The following TMEM87B variants were observed in gnomAD, a reference collection of about 807,000 sequenced individuals.
The protein encoded by TMEM87B is transmembrane protein 87B.
TMEM87B carries 83 observed loss-of-function variants against 80.3 expected under a neutral mutation model. That is an observed-to-expected ratio of 1.03 (90% confidence interval 0.87 to 1.24). The LOEUF (loss-of-function observed/expected upper bound fraction) is 1.24, where lower values mean the gene tolerates loss of function less well. TMEM87B is among the 50% of genes most tolerant of loss of function. TMEM87B has a pLI of 0.00. For missense variants in TMEM87B, 625 were observed against 674.4 expected, an observed-to-expected ratio of 0.93 and a Z score of 0.81; for synonymous variants, 219 against 230.5, an observed-to-expected ratio of 0.95 and a Z score of 0.45.
intron 15 of TMEM87B, chr2:112,105,743 T>C: frequency 2.9e-6 from 1 of 339,218 alleles, no homozygotes; most frequent in South Asian, 5.9e-5. Context: ...TGTATACTTG[T>C]TTAAACTCTA....
intron 4 of TMEM87B, among the ~76,000 whole-genome samples, chr2:112,069,198 CAAAAAA>C (rs1280554360): frequency 1.6e-5 from 1 of 62,370 alleles, no homozygotes; most frequent in African/African-American, 5.8e-5. Context: ...GACTCCGTCT[CAAAAAA>C]AAAAAAAAAA....
intron 17 of TMEM87B, among the ~76,000 whole-genome samples, chr2:112,111,913 C>G (rs1400397421): frequency 6.6e-6 from 1 of 152,292 alleles, no homozygotes; most frequent in African/African-American, 2.4e-5. Flanking sequence ...TAGCAGGGAC[C>G]GTTGTTGATA....
chr2:112,099,112 A>G (rs1454237457), intron 14 of TMEM87B, among the ~76,000 whole-genome samples: 1 of 152,194 alleles, frequency 6.6e-6, no homozygotes, highest in Non-Finnish European at 1.5e-5. Flanking sequence ...CAAAATGACA[A>G]AAGACTTGAG....
intron 9 of TMEM87B, among the ~76,000 whole-genome samples, chr2:112,086,672 A>C (rs959533408): frequency 2.0e-5 from 3 of 152,290 alleles, no homozygotes; most frequent in South Asian, 2.1e-4. Context: ...CTCACTCTTC[A>C]GGCTGGGTCA....
chr2:112,111,996 G>A (rs1029297735), intron 17 of TMEM87B, among the ~76,000 whole-genome samples: 8 of 152,066 alleles, frequency 5.3e-5, no homozygotes, highest in Admixed American at 2.0e-4. Flanking sequence ...TTCCTCTAAC[G>A]CCGTCTTCTC....
At chr2:112,111,508 G>C (rs1392606351) in intron 17 of TMEM87B, among the ~76,000 whole-genome samples, 2 of 152,186 alleles carry the variant, frequency 1.3e-5, no homozygotes, top group Non-Finnish European at 2.9e-5. Context: ...TATGTGAAAT[G>C]AGTAGAGCTC....
intron 9 of TMEM87B, among the ~76,000 whole-genome samples, 189 bp downstream of exon 9, chr2:112,086,293 C>G (rs1679143998): frequency 6.6e-6 from 1 of 152,170 alleles, no homozygotes; most frequent in Non-Finnish European, 1.5e-5. Context: ...AATAAAGACC[C>G]TGAATTTTTA....
Position 112,089,630 on chromosome 2 carries a change from G to A in TMEM87B, c.944G>A (p.Arg315His), listed in dbSNP as rs774444715. 2.0e-5 allele frequency: 33 copies of A among 1,613,980 alleles called. No individual in the cohort carries two copies. The highest frequency in any genetic ancestry group is 1.1e-4 in the East Asian group (5 of 44,878). ...TTTCCTCTTCCTGATTCCAGGCCTC[G>A]TTTAGGAACAGTCATGCACCGGGTG... ...VSLGYGIVKP[R>H]LGTVMHRVIG... The change falls in exon 10 of 19, where the codon CGT becomes CAT. Residue 315 changes from arginine (R) to histidine (H), a missense_variant. Physicochemically the swap from Arg to His is conservative, Grantham distance 29. Coordinates refer to ENST00000283206, the MANE Select transcript of TMEM87B (RefSeq NM_032824.3).
intron 14 of TMEM87B, among the ~76,000 whole-genome samples, chr2:112,099,912 AC>A (rs1679585046): frequency 1.3e-5 from 2 of 151,732 alleles, no homozygotes; most frequent in South Asian, 2.1e-4. Context: ...CACAAAAAAA[AC>A]AACTATCTTT....
At chr2:112,070,519 G>A (rs1678591609) in intron 4 of TMEM87B, among the ~76,000 whole-genome samples, 1 of 152,052 alleles carries the variant, frequency 6.6e-6, no homozygotes, top group Non-Finnish European at 1.5e-5. Context: ...TCTCTATTCT[G>A]TTCCACTGGT....
At chr2:112,079,161 A>G (rs1209130314) in intron 6 of TMEM87B, among the ~76,000 whole-genome samples, 1 of 152,178 alleles carries the variant, frequency 6.6e-6, no homozygotes, top group East Asian at 1.9e-4. Context: ...TTTGAAACAT[A>G]CAGTACTCTG....
rs981369410 is a variant in TMEM87B, at chr2:112,055,539, A to T, written c.-53A>T. On this transcript the variant is annotated 5_prime_UTR_variant, in exon 1 of 19. Transcript: ENST00000283206. Reference sequence around the variant, plus strand: ...CGCCTGCCTGGGGCGGTGCTGCACCAGGTGCGGGTGTGGCAGGCGTCTCGG... The same window carrying T: ...CGCCTGCCTGGGGCGGTGCTGCACCTGGTGCGGGTGTGGCAGGCGTCTCGG... 42 of 1,450,808 alleles carry T rather than the reference A, an allele frequency of 2.9e-5. No individual in the cohort carries two copies. Among genetic ancestry groups the T allele is most frequent in the Non-Finnish European group, 3.8e-5 (42 of 1,105,300 alleles). The allele number at this position is 1,450,808 out of a possible 1,614,324, so 89.9% of individuals were successfully genotyped here. A position where few individuals can be genotyped will look rare whatever the true frequency, so the allele number is the denominator to read the frequency against.
At chr2:112,111,457 T>C (rs1233746932) in intron 17 of TMEM87B, among the ~76,000 whole-genome samples, 2 of 152,238 alleles carry the variant, frequency 1.3e-5, no homozygotes, top group Admixed American at 1.3e-4. Flanking sequence ...CTTTGAAATA[T>C]AGAAGACTGA....
At chr2:112,068,168 C>G (rs1421662381) in intron 4 of TMEM87B, among the ~76,000 whole-genome samples, 2 of 152,112 alleles carry the variant, frequency 1.3e-5, no homozygotes, top group Admixed American at 1.3e-4. Flanking sequence ...GAGCCGAGAT[C>G]ACGCCATTGC....
chr2:112,091,063 C>G (rs1286486013), intron 10 of TMEM87B, among the ~76,000 whole-genome samples: 1 of 152,016 alleles, frequency 6.6e-6, no homozygotes, highest in African/African-American at 2.4e-5. Flanking sequence ...CATGTAAATA[C>G]ACCATATATA....
chr2:112,055,630 A>G lies in TMEM87B; in HGVS notation c.39A>G (p.Pro13=). Residue 13 remains proline, a synonymous_variant, in exon 1 of 19, where the codon CCA becomes CCG. Coordinates refer to ENST00000283206, the MANE Select transcript of TMEM87B (RefSeq NM_032824.3). ...AACRSVAGLL[P]RRRRCFPARA... is the part of the protein sequence containing the mutation. ...GCCGCTCGGTAGCCGGGCTCCTGCC[A>G]CGCCGCCGCCGCTGCTTTCCCGCCC... is the stretch of plus-strand genomic sequence containing the variant. The G allele has an allele frequency of 6.5e-7, 1 of 1,547,552 alleles. No homozygotes were observed. Among genetic ancestry groups the G allele is most frequent in the Non-Finnish European group, 8.7e-7 (1 of 1,149,050 alleles).
rs554025947 is a variant in TMEM87B at position 112,099,613 on chromosome 2, C to T, written c.1376+915C>T. On this transcript the variant is annotated intron_variant, in intron 14 of 18. Coordinates refer to ENST00000283206, the MANE Select transcript of TMEM87B (RefSeq NM_032824.3). ...TTCTGTACCTTCCTGTTTAAGGTCA[C>T]GCCTATAATCCTAGCACTTTGGGAG... 1.1e-4 allele frequency among the ~76,000 whole-genome samples: 17 copies of T among 148,950 alleles called. No individual in the cohort carries two copies. The South Asian group carries it at 1.7e-3, about 15-fold the overall frequency.
In TMEM87B at chr2:112,055,307, C is replaced by G. The variant is rs192143491; in HGVS notation, c.-285C>G. On this transcript the variant is annotated 5_prime_UTR_variant, in exon 1 of 19. Coordinates refer to ENST00000283206, the MANE Select transcript of TMEM87B (RefSeq NM_032824.3). Reference sequence around the variant, plus strand: ...CGCTAGGCCCTGAGCCCAGCCTCCACGTCTCGCCGCCAACTCCACATCCTG... The same window carrying G: ...CGCTAGGCCCTGAGCCCAGCCTCCAGGTCTCGCCGCCAACTCCACATCCTG... The G allele has an allele frequency of 6.4e-6, 3 of 468,006 alleles. No individual in the cohort carries two copies. Among genetic ancestry groups the G allele is most frequent in the Non-Finnish European group, 1.1e-5 (3 of 265,926 alleles). The allele number at this position is 468,006 out of a possible 1,614,324, so 29.0% of individuals were successfully genotyped here.
chr2:112,098,517 A>C, intron 13 of TMEM87B, 78 bp from the exon 14 acceptor site: 2 of 1,316,364 alleles, frequency 1.5e-6, no homozygotes, highest in Non-Finnish European at 1.1e-6. Context: ...AGTACTTGTC[A>C]TTGTACATTA....
Sources: gnomAD v4.1 joint callset for allele counts (sites outside exome capture counted in the v4.1 genomes callset) on GRCh38, gnomAD v4.1.1 for gene constraint, MANE v1.5 for transcripts, NCBI Gene and HGNC (gene_info 2026-07-23, HGNC 2026-07-21) for gene names.